Variants in PPP2R2B observed in about 807,000 individuals in gnomAD.
PPP2R2B encodes serine/threonine-protein phosphatase 2A 55 kDa regulatory subunit B beta isoform.
In PPP2R2B, 5 loss-of-function variants were observed where a neutral mutation model predicts 46.0. The ratio of observed to expected loss-of-function variants is 0.11; its 90% CI spans 0.06 to 0.23. PPP2R2B has a LOEUF of 0.23. Ranked by LOEUF, PPP2R2B falls within the 10% of genes least tolerant of loss-of-function variation. The probability of loss-of-function intolerance (pLI) is 1.00; values close to 1 mark genes in which losing one functional copy is unlikely to be tolerated. For missense variants in PPP2R2B, 367 were observed against 575.0 expected (o/e 0.64, Z 3.70); for synonymous variants, 215 against 206.7 (o/e 1.04, Z -0.34).
chr5:146,942,281 T>C (rs898260741), intron 1 of PPP2R2B, among the ~76,000 whole-genome samples: 1 of 152,152 alleles, frequency 6.6e-6, no homozygotes, highest in African/African-American at 2.4e-5. Context: ...AAAAGAGAGG[T>C]ATAAAGAAGA....
At chr5:146,639,403 T>G (rs1465824702) in intron 6 of PPP2R2B, among the ~76,000 whole-genome samples, 2 of 152,194 alleles carry the variant, frequency 1.3e-5, no homozygotes, top group East Asian at 3.8e-4. Flanking sequence ...CCTTGTATAT[T>G]GGAATGAAAC....
chr5:146,673,517 A>C (rs1777507699), intron 5 of PPP2R2B, among the ~76,000 whole-genome samples: 1 of 152,104 alleles, frequency 6.6e-6, no homozygotes, highest in Non-Finnish European at 1.5e-5. Flanking sequence ...AATAGACATA[A>C]AGTCTAATAT....
chr5:146,656,125 T>G (rs424849), intron 5 of PPP2R2B, among the ~76,000 whole-genome samples: 115,819 of 152,104 alleles, frequency 0.76, 45,376 homozygotes, highest in Non-Finnish European at 0.86. Flanking sequence ...CTGTGGTACA[T>G]AAGTTCTTGT....
At chr5:147,056,623 A>G (rs1757093717), upstream of PPP2R2B, among the ~76,000 whole-genome samples, 1 of 152,236 alleles carries the variant, frequency 6.6e-6, no homozygotes, top group Non-Finnish European at 1.5e-5. Flanking sequence ...AAGTTGATAC[A>G]AGGATTACAC....
chr5:146,766,117 A>C (rs1754462462), intron 2 of PPP2R2B, among the ~76,000 whole-genome samples: 2 of 152,214 alleles, frequency 1.3e-5, no homozygotes, highest in South Asian at 4.1e-4. Context: ...AGCCCTCATT[A>C]TACTTTCTGT....
Position 146,867,226 on chromosome 5 carries a change from G to T in PPP2R2B, c.70+10776C>A, listed in dbSNP as rs1343381748. On this transcript the variant is annotated intron_variant, in intron 2 of 9. Transcript: ENST00000394411. ...TCTAGAAGTATTCTGTAGTAAGATT[G>T]CTTCTGCGATATCTATGGTCTTGTT... Among the ~76,000 whole-genome samples, 3 of 152,252 alleles carry T rather than the reference G, an allele frequency of 2.0e-5. No homozygotes were observed. The East Asian group carries it at 5.8e-4, about 29-fold the overall frequency.
chr5:146,667,059 A>T (rs1041497129), intron 5 of PPP2R2B, among the ~76,000 whole-genome samples: 1 of 152,122 alleles, frequency 6.6e-6, no homozygotes, highest in African/African-American at 2.4e-5. Context: ...TGAACAGTAG[A>T]TTCTGGATAA....
chr5:146,694,675 T>C (rs894123959), intron 4 of PPP2R2B, among the ~76,000 whole-genome samples: 2 of 152,164 alleles, frequency 1.3e-5, no homozygotes, highest in African/African-American at 4.8e-5. Flanking sequence ...ATTTTGTATT[T>C]TCTCATTTTA....
intron 1 of PPP2R2B, among the ~76,000 whole-genome samples, chr5:146,921,759 A>G (rs959250400): frequency 2.0e-5 from 3 of 152,102 alleles, no homozygotes; most frequent in Non-Finnish European, 4.4e-5. Flanking sequence ...ACCTGTACAC[A>G]TTCCACACCT....
chr5:146,672,093 T>C (rs1348822542), intron 5 of PPP2R2B, among the ~76,000 whole-genome samples: 2 of 152,194 alleles, frequency 1.3e-5, no homozygotes, highest in East Asian at 3.8e-4. Context: ...GGTAATTTAT[T>C]GATCGACAAG....
chr5:147,041,489 T>C (rs1252444139), intron 1 of PPP2R2B, among the ~76,000 whole-genome samples: 3 of 152,106 alleles, frequency 2.0e-5, no homozygotes, highest in African/African-American at 7.2e-5. Context: ...TGGTGCTAAG[T>C]CCAGAGTTTC....
chr5:146,881,312 T>A (rs1477475466), upstream of PPP2R2B, among the ~76,000 whole-genome samples: 9 of 152,216 alleles, frequency 5.9e-5, no homozygotes, highest in Non-Finnish European at 1.2e-4. Flanking sequence ...TCCACATTTT[T>A]TTTTTGTCTT....
intron 2 of PPP2R2B, among the ~76,000 whole-genome samples, chr5:146,768,118 G>C (rs1253923541): frequency 2.0e-5 from 3 of 151,868 alleles, no homozygotes; most frequent in Non-Finnish European, 4.4e-5. Context: ...CCGTCACCCA[G>C]GTTGGAGTGC....
intron 1 of PPP2R2B, among the ~76,000 whole-genome samples, chr5:146,940,521 A>AC (rs989142163): frequency 2.6e-5 from 4 of 151,950 alleles, no homozygotes; most frequent in South Asian, 2.1e-4. Flanking sequence ...GAAAAAAAAA[A>AC]AAACATAAGG....
intron 2 of PPP2R2B, among the ~76,000 whole-genome samples, chr5:146,874,113 C>G (rs979694589): frequency 2.0e-5 from 3 of 152,220 alleles, no homozygotes; most frequent in Non-Finnish European, 4.4e-5. Context: ...ACCTTTCCAC[C>G]TTATGACCCC....
intron 1 of PPP2R2B, among the ~76,000 whole-genome samples, chr5:147,028,461 A>G (rs958787726): frequency 1.3e-5 from 2 of 152,214 alleles, no homozygotes; most frequent in Non-Finnish European, 2.9e-5. Flanking sequence ...ATCCCAAAGC[A>G]AACACCATCG....
chr5:146,589,373 C>T lies in PPP2R2B; in HGVS notation c.*574G>A, dbSNP rs1408422022. 3 of 153,242 alleles carry T rather than the reference C, an allele frequency of 2.0e-5. No homozygotes were observed. Among genetic ancestry groups the T allele is most frequent in the African/African-American group, 7.2e-5 (3 of 41,526 alleles). The allele number at this position is 153,242 out of a possible 1,614,324, so 9.5% of individuals were successfully genotyped here. A position where few individuals can be genotyped will look rare whatever the true frequency, so the allele number is the denominator to read the frequency against. ...TGCCCTTTCCTTGTCATTCTGCATC[C>T]TCTTCTCAGCTTCATGCAATAAATC... On this transcript the variant is annotated 3_prime_UTR_variant, in exon 10 of 10. Coordinates refer to ENST00000394411, the MANE Select transcript of PPP2R2B (RefSeq NM_181675.4).
chr5:147,001,165 T>A (rs1157861210), intron 1 of PPP2R2B, among the ~76,000 whole-genome samples: 1 of 152,112 alleles, frequency 6.6e-6, no homozygotes, highest in Admixed American at 6.5e-5. Flanking sequence ...CCAGGGTGGG[T>A]GGGGCCAAAT....
In PPP2R2B at chr5:146,927,436, A is replaced by G. The variant is rs1172560871; in HGVS notation, c.79+128229T>C. On this transcript the variant is annotated intron_variant, in intron 1 of 8. Coordinates refer to the PPP2R2B transcript ENST00000336640. Reference sequence around the variant, plus strand: ...TAAGATAACTTCAGCAACAGATTATATAGTACTATTGATATAAACCACGCA... The same window carrying G: ...TAAGATAACTTCAGCAACAGATTATGTAGTACTATTGATATAAACCACGCA... Among the ~76,000 whole-genome samples, 5 of 152,204 alleles carry G rather than the reference A, an allele frequency of 3.3e-5. No homozygotes were observed. The South Asian group carries it at 6.2e-4, about 19-fold the overall frequency.
Sources: allele counts gnomAD v4.1 joint callset (sites outside exome capture counted in the v4.1 genomes callset), GRCh38; gene constraint gnomAD v4.1.1; transcripts MANE v1.5; gene names NCBI Gene and HGNC (gene_info 2026-07-23, HGNC 2026-07-21).